Variants in EPHA3 observed in about 807,000 individuals in gnomAD.
EPHA3 encodes the protein ephrin type-A receptor 3.
A neutral mutation model predicts 107.1 loss-of-function variants in EPHA3; 42 were observed. The ratio of observed to expected loss-of-function variants is 0.39; its 90% CI spans 0.31 to 0.51. The LOEUF (loss-of-function observed/expected upper bound fraction) is 0.51, where lower values mean the gene tolerates loss of function less well. Ranked by LOEUF, EPHA3 falls within the 20% of genes least tolerant of loss-of-function variation. EPHA3 has a pLI of 0.78. For missense variants in EPHA3, 1,183 were observed against 1,211.2 expected, an observed-to-expected ratio of 0.98 and a Z score of 0.35; for synonymous variants, 461 against 424.8, an observed-to-expected ratio of 1.09 and a Z score of -1.05.
intron 6 of EPHA3, among the ~76,000 whole-genome samples, chr3:89,398,586 TA>T (rs534273879): frequency 3.1e-4 from 47 of 151,966 alleles, no homozygotes; most frequent in Non-Finnish European, 2.6e-4. Context: ...TTAAGGTTGA[TA>T]AAAAAAAGTT....
chr3:89,424,735 T>C (rs1051894243), intron 11 of EPHA3, among the ~76,000 whole-genome samples: 24 of 151,524 alleles, frequency 1.6e-4, no homozygotes, highest in African/African-American at 5.8e-4. Flanking sequence ...AAGAGTATTA[T>C]ATACATTCAT....
intron 3 of EPHA3, among the ~76,000 whole-genome samples, chr3:89,250,034 G>A (rs1170262645): frequency 6.6e-6 from 1 of 152,082 alleles, no homozygotes; most frequent in Non-Finnish European, 1.5e-5. Context: ...CAAAAAATGT[G>A]GGGTCCTCCT....
intron 2 of EPHA3, among the ~76,000 whole-genome samples, chr3:89,157,334 G>A (rs191728760): frequency 3.8e-4 from 58 of 151,982 alleles, no homozygotes; most frequent in African/African-American, 1.3e-3. Context: ...TTCTAGGATC[G>A]CCAAATTTAA....
chr3:89,176,076 A>G (rs1467735219), intron 2 of EPHA3, among the ~76,000 whole-genome samples: 1 of 152,052 alleles, frequency 6.6e-6, no homozygotes, highest in Non-Finnish European at 1.5e-5. Context: ...GCATTTTCCC[A>G]TTTCATTTCT....
chr3:89,444,115 T>C (rs1019020291), intron 13 of EPHA3, among the ~76,000 whole-genome samples: 19 of 152,154 alleles, frequency 1.2e-4, no homozygotes, highest in African/African-American at 4.1e-4. Context: ...GAACATAGTT[T>C]CATGTGAGTT....
chr3:89,305,868 G>A lies in EPHA3; in HGVS notation c.815-35048G>A, dbSNP rs532947759. ...TTCCTTATTTTTCTAACATGTTATC[G>A]ATGAAACACCAGCTTAAATATCATA... On this transcript the variant is annotated intron_variant, in intron 3 of 16. Transcript: ENST00000336596. Among the ~76,000 whole-genome samples, 25 of 152,112 alleles carry A rather than the reference G, an allele frequency of 1.6e-4. 1 individual carries two copies. In the South Asian group the frequency reaches 3.7e-3, roughly 23 times the overall value.
At position 89,429,180 on chromosome 3, in the gene EPHA3, C is replaced by A; in HGVS notation, c.2136+13C>A. 1.3e-6 allele frequency: 2 copies of A among 1,588,466 alleles called. No homozygotes were observed. Among genetic ancestry groups the A allele is most frequent in the South Asian group, 1.1e-5 (1 of 90,350 alleles). ...TAGTTTCCTACGTGTAAGTAAGATG[C>A]ACACACATACATATATATGAATAAA... is the stretch of plus-strand genomic sequence containing the variant. On this transcript the variant is annotated intron_variant, in intron 12 of 16. Transcript: ENST00000336596.
chr3:89,238,134 A>G (rs1460755960), intron 3 of EPHA3, among the ~76,000 whole-genome samples: 1 of 152,204 alleles, frequency 6.6e-6, no homozygotes, highest in Non-Finnish European at 1.5e-5. Context: ...CATGCAGGAC[A>G]ATCTTTAAAT....
At chr3:89,204,480 C>CCACA (rs57892338) in intron 2 of EPHA3, among the ~76,000 whole-genome samples, 57 of 149,934 alleles carry the variant, frequency 3.8e-4, no homozygotes, top group African/African-American at 1.3e-3. Context: ...ATTTGACACA[C>CCACA]CACACACACA....
chr3:89,179,696 T>C (rs2107116507), intron 2 of EPHA3, among the ~76,000 whole-genome samples: 1 of 149,092 alleles, frequency 6.7e-6, no homozygotes, highest in South Asian at 2.1e-4. Context: ...CTTCAAAAAA[T>C]GTGGACAATG....
intron 3 of EPHA3, among the ~76,000 whole-genome samples, chr3:89,266,484 T>C (rs1705540949): frequency 6.6e-6 from 1 of 152,176 alleles, no homozygotes; most frequent in Admixed American, 6.5e-5. Flanking sequence ...AAATTCAATT[T>C]TAGCATAACA....
intron 5 of EPHA3, among the ~76,000 whole-genome samples, chr3:89,363,983 G>A (rs1202518835): frequency 6.6e-6 from 1 of 150,588 alleles, no homozygotes; most frequent in Non-Finnish European, 1.5e-5. Flanking sequence ...CAATAGCAAT[G>A]TAAACTGACA....
intron 3 of EPHA3, among the ~76,000 whole-genome samples, chr3:89,228,022 T>G (rs1317777651): frequency 6.6e-6 from 1 of 151,986 alleles, no homozygotes; most frequent in East Asian, 1.9e-4. Flanking sequence ...AGTCGTTTAG[T>G]TGGTAGTTCA....
At chr3:89,374,218 T>C (rs891374036) in intron 5 of EPHA3, among the ~76,000 whole-genome samples, 9 of 151,790 alleles carry the variant, frequency 5.9e-5, no homozygotes, top group South Asian at 4.1e-4. Context: ...CTGCAAACAG[T>C]TGGAGCCAGA....
chr3:89,209,780 A>C (rs1329860411), intron 2 of EPHA3, 80 bp from the exon 3 acceptor site: 1 of 1,190,332 alleles, frequency 8.4e-7, no homozygotes, highest in African/African-American at 1.5e-5. Context: ...TATTATATAG[A>C]GATGGCTCTG....
chr3:89,433,303 T>A (rs1360350512), intron 13 of EPHA3, among the ~76,000 whole-genome samples: 4 of 149,500 alleles, frequency 2.7e-5, no homozygotes, highest in Non-Finnish European at 5.9e-5. Context: ...TTATTCCCGA[T>A]TAAAAAAAAA....
chr3:89,321,641 A>G (rs1332059235), intron 3 of EPHA3, among the ~76,000 whole-genome samples: 1 of 152,122 alleles, frequency 6.6e-6, no homozygotes, highest in Non-Finnish European at 1.5e-5. Context: ...TGAAAGGAGC[A>G]TGGCAGAGCC....
intron 15 of EPHA3, among the ~76,000 whole-genome samples, chr3:89,457,182 A>G (rs763607310): frequency 1.9e-4 from 29 of 152,202 alleles, no homozygotes; most frequent in Non-Finnish European, 3.5e-4. Flanking sequence ...AAGGGAAGAC[A>G]TGCAAATAGG....
intron 10 of EPHA3, among the ~76,000 whole-genome samples, chr3:89,415,493 A>ATATATATATAT (rs1559687639): frequency 1.5e-4 from 14 of 93,418 alleles, no homozygotes; most frequent in African/African-American, 5.0e-4. Context: ...TATATATATA[A>ATATATATATAT]GCTAATTCTC....
Sources: allele counts gnomAD v4.1 joint callset (sites outside exome capture counted in the v4.1 genomes callset), GRCh38; gene constraint gnomAD v4.1.1; transcripts MANE v1.5; gene names NCBI Gene and HGNC (gene_info 2026-07-23, HGNC 2026-07-21).